NTSR1: variants seen among roughly 807,000 people sequenced by gnomAD.
NTSR1 encodes neurotensin receptor type 1.
NTSR1 carries 29 observed loss-of-function variants against 31.2 expected under a neutral mutation model. That is an observed-to-expected ratio of 0.93 (90% CI 0.69 to 1.27). The LOEUF is 1.27. Among genes scored for constraint, NTSR1 ranks in the 50% most tolerant of loss-of-function variants. NTSR1 has a pLI of 0.00. For missense variants in NTSR1, 697 were observed against 595.4 expected (o/e 1.17, Z -1.78); for synonymous variants, 282 against 269.9 (o/e 1.04, Z -0.44).
In NTSR1 at chr20:62,754,010, T is replaced by G. The variant is rs943664024; in HGVS notation, c.715-675T>G. On this transcript the variant is annotated intron_variant, in intron 1 of 3. Transcript: ENST00000370501. ...ACAGCCCCCCTTGCGCTGGAGTCTT[T>G]GGGCAGGACCTCTACCCTGTCCAGG... 5.3e-5 allele frequency among the ~76,000 whole-genome samples: 8 copies of G among 152,306 alleles called. No homozygotes were observed. The East Asian group carries it at 1.5e-3, about 29-fold the overall frequency.
chr20:62,710,063 C>A (rs142510271), intron 1 of NTSR1, 142 bp downstream of exon 1: 2 of 717,488 alleles, frequency 2.8e-6, no homozygotes, highest in Non-Finnish European at 4.6e-6. Context: ...GTTGGGGCAG[C>A]TTGGGGGCAG....
rs148000672 is a variant in NTSR1, at chr20:62,709,903, C to T, written c.696C>T (p.Thr232=). The T allele has an allele frequency of 1.3e-6, 2 of 1,594,226 alleles. No individual in the cohort carries two copies. Among genetic ancestry groups the T allele is most frequent in the South Asian group, 2.2e-5 (2 of 89,830 alleles). Residue 232 remains threonine (T), a synonymous_variant, in exon 1 of 4, where the codon ACC becomes ACT. Coordinates refer to ENST00000370501, the MANE Select transcript of NTSR1 (RefSeq NM_002531.3). Reference sequence around the variant, plus strand: ...GCACCCCCACCATCCACACTGCCACCGTCAAGGTCGTCATACAGGTGAGCC... The same window carrying T: ...GCACCCCCACCATCCACACTGCCACTGTCAAGGTCGTCATACAGGTGAGCC... The part of the protein sequence containing the change: ...LVCTPTIHTA[T]VKVVIQVNTF...
At chr20:62,720,614 T>C (rs1290134058) in intron 1 of NTSR1, among the ~76,000 whole-genome samples, 4 of 152,200 alleles carry the variant, frequency 2.6e-5, no homozygotes, top group African/African-American at 4.8e-5. Context: ...TGATTTTTTT[T>C]CTATTGTCTT....
intron 1 of NTSR1, among the ~76,000 whole-genome samples, chr20:62,724,687 T>C (rs1055077222): frequency 4.6e-5 from 7 of 152,308 alleles, no homozygotes; most frequent in South Asian, 2.1e-4. Context: ...CACTGGTCTC[T>C]TGGGGCTGCA....
Position 62,708,888 on chromosome 20 carries a change from T to G in NTSR1, c.-320T>G. 2 of 301,436 alleles carry G rather than the reference T, an allele frequency of 6.6e-6. No homozygotes were observed. The highest frequency in any genetic ancestry group is 9.0e-4 in the Middle Eastern group (1 of 1,116). 18.7% of individuals were successfully genotyped at this position (301,436 alleles called of 1,614,324 possible). A position where few individuals can be genotyped will look rare whatever the true frequency, so the allele number is the denominator to read the frequency against. On this transcript the variant is annotated 5_prime_UTR_variant, in exon 1 of 4. Coordinates refer to ENST00000370501, the MANE Select transcript of NTSR1 (RefSeq NM_002531.3). The surrounding 1 kb of genome is among the most constrained non-coding windows in gnomAD (Gnocchi z 5.9). ...GGGCTGGGCGCTGTCCTCGGGGGCC[T>G]GGGGAACCGCGCGGTTTGGAGATCG...
chr20:62,724,081 C>A (rs868330787), intron 1 of NTSR1, among the ~76,000 whole-genome samples: 1 of 152,210 alleles, frequency 6.6e-6, no homozygotes. Context: ...TCCCCACAGG[C>A]CTGGCACAGG....
chr20:62,734,001 G>T (rs1989043561), intron 1 of NTSR1, among the ~76,000 whole-genome samples: 1 of 152,200 alleles, frequency 6.6e-6, no homozygotes, highest in Non-Finnish European at 1.5e-5. Context: ...GCTTGGAGGG[G>T]GTTTCGTTTC....
Position 62,724,497 on chromosome 20 carries a change from C to T in NTSR1, c.714+14576C>T, listed in dbSNP as rs142497272. ...TTCCTGACAGCTTCTTCAAAAGGAGCCCATCTAATGTATTAAAAATAACTG... is the reference window on the plus strand; with the variant it reads ...TTCCTGACAGCTTCTTCAAAAGGAGTCCATCTAATGTATTAAAAATAACTG... On this transcript the variant is annotated intron_variant, in intron 1 of 3. Transcript: ENST00000370501. Among the ~76,000 whole-genome samples the T allele has an allele frequency of 1.8e-3, 270 of 152,318 alleles. 1 individual carries two copies. The highest frequency in any genetic ancestry group is 6.8e-3 in the Middle Eastern group (2 of 294).
At chr20:62,752,666 T>C (rs1299783636) in intron 1 of NTSR1, among the ~76,000 whole-genome samples, 2 of 152,166 alleles carry the variant, frequency 1.3e-5, no homozygotes, top group East Asian at 1.9e-4. Context: ...GTATTTTAAA[T>C]GTTTTGACAT....
At chr20:62,729,853 C>A (rs1393948771) in intron 1 of NTSR1, among the ~76,000 whole-genome samples, 1 of 152,092 alleles carries the variant, frequency 6.6e-6, no homozygotes, top group African/African-American at 2.4e-5. Context: ...AAACTCCTGA[C>A]CTCAAGTGAT....
At chr20:62,740,648 G>A (rs1034725358) in intron 1 of NTSR1, among the ~76,000 whole-genome samples, 8 of 152,250 alleles carry the variant, frequency 5.3e-5, no homozygotes, top group Non-Finnish European at 1.0e-4. Flanking sequence ...AGAAACAGGA[G>A]TGCGAGGCCC....
At chr20:62,753,793 G>A (rs553413800) in intron 1 of NTSR1, among the ~76,000 whole-genome samples, 1 of 152,364 alleles carries the variant, frequency 6.6e-6, no homozygotes, top group East Asian at 1.9e-4. Context: ...GGCCGTCCTG[G>A]CTGGTTCTGC....
intron 1 of NTSR1, among the ~76,000 whole-genome samples, chr20:62,747,981 GC>G (rs1989330561): frequency 6.6e-6 from 1 of 152,170 alleles, no homozygotes; most frequent in Admixed American, 6.5e-5. Context: ...TTTGAAACCA[GC>G]CTGGCCAACA....
intron 3 of NTSR1, among the ~76,000 whole-genome samples, 200 bp from the exon 4 acceptor site, chr20:62,759,818 A>T (rs999362637): frequency 1.3e-5 from 2 of 151,092 alleles, no homozygotes; most frequent in Non-Finnish European, 2.9e-5. Context: ...GGGCGGGAGC[A>T]CGACGAGAAC....
Position 62,709,885 on chromosome 20 carries a change from C to T in NTSR1, c.678C>T (p.Pro226=). ...ACGCCGGCGGCCTGGTGTGCACCCC[C>T]ACCATCCACACTGCCACCGTCAAGG... is the stretch of plus-strand genomic sequence containing the variant. ...GQHAGGLVCT[P]TIHTATVKVV... Residue 226 remains proline, a synonymous_variant, in exon 1 of 4, where the codon CCC becomes CCT. Coordinates refer to ENST00000370501, the MANE Select transcript of NTSR1 (RefSeq NM_002531.3). 3.1e-6 allele frequency: 5 copies of T among 1,601,540 alleles called. No homozygotes were observed. Among genetic ancestry groups the T allele is most frequent in the Non-Finnish European group, 4.3e-6 (5 of 1,171,744 alleles).
At chr20:62,752,641 G>T (rs944618960) in intron 1 of NTSR1, among the ~76,000 whole-genome samples, 2 of 152,234 alleles carry the variant, frequency 1.3e-5, no homozygotes, top group Non-Finnish European at 2.9e-5. Context: ...GCAGCCAGCC[G>T]TGTTGGTGAG....
Position 62,762,140 on chromosome 20 carries a change from T to G in NTSR1, c.*1873T>G, listed in dbSNP as rs914620229. ...AGGAGTGGGCTCAGAGTCTAGCAAA[T>G]GCTAAGGCCCCTCAGGCTGGGCTCT... On this transcript the variant is annotated 3_prime_UTR_variant, in exon 4 of 4. Transcript: ENST00000370501. 6.6e-6 allele frequency: 1 copy of G among 152,242 alleles called. No individual in the cohort carries two copies. The highest frequency in any genetic ancestry group is 2.4e-5 in the African/African-American group (1 of 41,432). The allele number at this position is 152,242 out of a possible 1,614,324, so 9.4% of individuals were successfully genotyped here. A position where few individuals can be genotyped will look rare whatever the true frequency, so the allele number is the denominator to read the frequency against.
intron 1 of NTSR1, among the ~76,000 whole-genome samples, chr20:62,746,212 G>A (rs1989298846): frequency 1.3e-5 from 2 of 152,196 alleles, no homozygotes; most frequent in South Asian, 4.1e-4. Context: ...CTCACCCCCT[G>A]AGTTCTCAGG....
intron 1 of NTSR1, among the ~76,000 whole-genome samples, chr20:62,753,930 A>G (rs193115577): frequency 9.9e-4 from 151 of 152,340 alleles, no homozygotes; most frequent in African/African-American, 3.3e-3. Flanking sequence ...GTCACGTCTC[A>G]GCCAGGAGTC....
Sources: gnomAD v4.1 joint callset for allele counts (sites outside exome capture counted in the v4.1 genomes callset) on GRCh38, gnomAD v4.1.1 for gene constraint, Gnocchi (gnomAD v3.1) non-coding constraint, MANE v1.5 for transcripts, NCBI Gene and HGNC (gene_info 2026-07-23, HGNC 2026-07-21) for gene names.